Variants in CCDC179 observed in about 807,000 individuals in gnomAD.
CCDC179 encodes coiled-coil domain containing 179.
A neutral mutation model predicts 12.0 loss-of-function variants in CCDC179; 17 were observed. The ratio of observed to expected loss-of-function variants is 1.42; its 90% confidence interval spans 0.97 to 2.13. The LOEUF (loss-of-function observed/expected upper bound fraction) is 2.13, where lower values mean the gene tolerates loss of function less well. CCDC179 is among the 30% of genes most tolerant of loss of function. CCDC179 has a pLI of 0.00. For synonymous variants in CCDC179, 27 were observed against 26.4 expected, an observed-to-expected ratio of 1.02 and a Z score of -0.07; for missense variants, 83 against 78.6, an observed-to-expected ratio of 1.06 and a Z score of -0.21.
intron 3 of CCDC179, among the ~76,000 whole-genome samples, chr11:22,853,039 A>G (rs952106068): frequency 2.0e-5 from 3 of 152,226 alleles, no homozygotes; most frequent in South Asian, 2.1e-4. Flanking sequence ...AGTCCCTAGC[A>G]AGACCAAAAA....
chr11:22,848,288 A>G (rs1858275393), intron 3 of CCDC179, among the ~76,000 whole-genome samples: 1 of 152,174 alleles, frequency 6.6e-6, no homozygotes, highest in South Asian at 2.1e-4. Flanking sequence ...TACTAAAAAT[A>G]CAAAAATTAG....
chr11:22,851,653 A>G (rs1176115200), intron 3 of CCDC179, among the ~76,000 whole-genome samples: 1 of 152,258 alleles, frequency 6.6e-6, no homozygotes, highest in Non-Finnish European at 1.5e-5. Flanking sequence ...AAGTGAGGGC[A>G]CAGGGCAAGC....
chr11:22,847,916 A>C (rs539716510), intron 3 of CCDC179, among the ~76,000 whole-genome samples: 38 of 152,268 alleles, frequency 2.5e-4, no homozygotes, highest in Non-Finnish European at 1.0e-4. Flanking sequence ...TTATTTTCCA[A>C]GTCTTATGCT....
rs942939407 is a variant in CCDC179 at position 22,847,398 on chromosome 11, T to G, written c.*112A>C. On this transcript the variant is annotated 3_prime_UTR_variant, in exon 4 of 4. Transcript: ENST00000532798. ...CACTGTGTTTATTTTTCCGAAATGG[T>G]GGAGTATTGCATTTATTTTGTGGAT... 1 of 582,680 alleles carries G rather than the reference T, an allele frequency of 1.7e-6. No individual in the cohort carries two copies. Among genetic ancestry groups the G allele is most frequent in the Non-Finnish European group, 2.8e-6 (1 of 362,260 alleles). 36.1% of individuals were successfully genotyped at this position (582,680 alleles called of 1,614,324 possible).
chr11:22,848,173 G>C (rs1858272318), intron 3 of CCDC179, among the ~76,000 whole-genome samples: 1 of 152,158 alleles, frequency 6.6e-6, no homozygotes, highest in African/African-American at 2.4e-5. Context: ...GCCAAGCATG[G>C]TGGCTTACGC....
intron 3 of CCDC179, among the ~76,000 whole-genome samples, chr11:22,851,729 A>G (rs1858408831): frequency 6.6e-6 from 1 of 152,206 alleles, no homozygotes; most frequent in Non-Finnish European, 1.5e-5. Context: ...CAGGAACAAA[A>G]TCCTTCTGCT....
At chr11:22,850,951 TATATATATATATA>T in intron 3 of CCDC179, among the ~76,000 whole-genome samples, 1 of 8,412 alleles carries the variant, frequency 1.2e-4, no homozygotes, top group Non-Finnish European at 5.0e-4. Flanking sequence ...TATATATATA[TATATATATATATA>T]TATATATATA....
intron 2 of CCDC179, among the ~76,000 whole-genome samples, chr11:22,858,554 A>T (rs1858585091): frequency 1.3e-5 from 2 of 152,142 alleles, no homozygotes; most frequent in Middle Eastern, 3.4e-3. Flanking sequence ...TTTTTTATCC[A>T]CTTCCAGTGA....
rs2134819964 is a variant in CCDC179 at position 22,846,927 on chromosome 11, A to G, written c.*583T>C. On this transcript the variant is annotated 3_prime_UTR_variant, in exon 4 of 4. Transcript: ENST00000532798. The stretch of plus-strand genomic sequence containing the variant: ...GTATTATAGTTAAGAAAGATTTTAG[A>G]GAGTCAGCAATAATTATAATTTATT... 1 of 152,232 alleles carries G rather than the reference A, an allele frequency of 6.6e-6. No individual in the cohort carries two copies. Among genetic ancestry groups the G allele is most frequent in the Middle Eastern group, 3.4e-3 (1 of 294 alleles). The allele number at this position is 152,232 out of a possible 1,614,324, so 9.4% of individuals were successfully genotyped here. A position where few individuals can be genotyped will look rare whatever the true frequency, so the allele number is the denominator to read the frequency against.
chr11:22,851,100 G>A (rs1858390643), intron 3 of CCDC179, among the ~76,000 whole-genome samples: 1 of 147,516 alleles, frequency 6.8e-6, no homozygotes, highest in Non-Finnish European at 1.5e-5. Flanking sequence ...ATTCTCCTGT[G>A]CATAGGCATA....
intron 3 of CCDC179, among the ~76,000 whole-genome samples, chr11:22,852,854 C>A (rs767296154): frequency 8.5e-5 from 13 of 152,140 alleles, no homozygotes; most frequent in East Asian, 1.9e-4. Flanking sequence ...GGGTAGTGTG[C>A]AAAATGAACC....
intron 3 of CCDC179, among the ~76,000 whole-genome samples, chr11:22,852,673 T>C (rs1858435934): frequency 6.6e-6 from 1 of 152,182 alleles, no homozygotes; most frequent in Non-Finnish European, 1.5e-5. Context: ...CAGCAGCCCA[T>C]TCCCATAGGC....
At chr11:22,859,419 C>A in intron 2 of CCDC179, 33 bp downstream of exon 2, 3 of 1,435,368 alleles carry the variant, frequency 2.1e-6, no homozygotes, top group South Asian at 3.0e-5. Flanking sequence ...AATGTTTAAA[C>A]AACCAGAACC....
intron 3 of CCDC179, among the ~76,000 whole-genome samples, chr11:22,856,833 G>C (rs570969313): frequency 6.6e-6 from 1 of 151,660 alleles, no homozygotes; most frequent in South Asian, 2.1e-4. Flanking sequence ...AGTAAGATTA[G>C]AGGATGTAAG....
intron 3 of CCDC179, among the ~76,000 whole-genome samples, chr11:22,855,043 C>T (rs577435777): frequency 2.6e-4 from 40 of 151,660 alleles, no homozygotes; most frequent in Non-Finnish European, 4.9e-4. Flanking sequence ...AACAACAGAA[C>T]GTCAAAATAT....
chr11:22,856,932 C>T (rs1170370738), intron 3 of CCDC179, among the ~76,000 whole-genome samples: 3 of 151,204 alleles, frequency 2.0e-5, no homozygotes, highest in Admixed American at 6.6e-5. Context: ...TTTATATTAG[C>T]AACAAAAAAT....
chr11:22,856,411 T>C (rs902955839), intron 3 of CCDC179, among the ~76,000 whole-genome samples: 1 of 151,380 alleles, frequency 6.6e-6, no homozygotes, highest in African/African-American at 2.4e-5. Flanking sequence ...AGGAGAAAAA[T>C]CATATGATCA....
rs572979470 is a variant in CCDC179 at position 22,854,026 on chromosome 11, A to AAT, written c.195+3894_195+3895dup. On this transcript the variant is annotated intron_variant, in intron 3 of 3. Transcript: ENST00000532798. Reference sequence around the variant, plus strand: ...ATTTCTTTACAGAAATCATGCAAGCAATAAGAGAATGGAGTAAAATATTTA... The same window carrying AAT: ...ATTTCTTTACAGAAATCATGCAAGCAATATAAGAGAATGGAGTAAAATATTTA... Among the ~76,000 whole-genome samples, 26 of 152,066 alleles carry AAT rather than the reference A, an allele frequency of 1.7e-4. No individual in the cohort carries two copies. In the East Asian group the frequency reaches 4.6e-3, roughly 27 times the overall value.
At position 22,860,461 on chromosome 11, in the gene CCDC179, G is replaced by A; in HGVS notation, c.-40C>T. 1 of 1,518,402 alleles carries A rather than the reference G, an allele frequency of 6.6e-7. No homozygotes were observed. The highest frequency in any genetic ancestry group is 8.8e-7 in the Non-Finnish European group (1 of 1,138,550). 94.1% of individuals were successfully genotyped at this position (1,518,402 alleles called of 1,614,324 possible). A position where few individuals can be genotyped will look rare whatever the true frequency, so the allele number is the denominator to read the frequency against. ...GGGCGCCCCCTGACGCCTACTGCCT[G>A]TCCTGGACCAAATGATTATGGGGCC... On this transcript the variant is annotated 5_prime_UTR_variant, in exon 1 of 4. Transcript: ENST00000532798.
Sources: allele counts gnomAD v4.1 joint callset (sites outside exome capture counted in the v4.1 genomes callset), GRCh38; gene constraint gnomAD v4.1.1; transcripts MANE v1.5; gene names NCBI Gene and HGNC (gene_info 2026-07-23, HGNC 2026-07-21).